The following MSI2 variants were observed in gnomAD, a reference collection of about 807,000 sequenced individuals.
MSI2 encodes RNA-binding protein Musashi homolog 2.
A neutral mutation model predicts 45.6 loss-of-function variants in MSI2; 17 were observed. That is an observed-to-expected ratio of 0.37 (90% CI 0.26 to 0.56). The LOEUF is 0.56. Ranked by LOEUF, MSI2 falls within the 20% of genes least tolerant of loss-of-function variation. MSI2 has a pLI of 0.77. For synonymous variants in MSI2, 156 were observed against 158.2 expected (o/e 0.99, Z 0.11); for missense variants, 293 against 444.2 (o/e 0.66, Z 3.06).
chr17:57,416,471 C>T (rs370561407), intron 6 of MSI2, among the ~76,000 whole-genome samples: 4 of 152,128 alleles, frequency 2.6e-5, no homozygotes, highest in African/African-American at 4.8e-5. Flanking sequence ...AGGAAGCAGC[C>T]GCTGTAATTC....
intron 5 of MSI2, among the ~76,000 whole-genome samples, chr17:57,300,620 A>T (rs1911343666): frequency 6.6e-6 from 1 of 152,194 alleles, no homozygotes; most frequent in South Asian, 2.1e-4. Flanking sequence ...GCCCGTTTTC[A>T]TGCTGCTGAT....
At chr17:57,362,450 C>G (rs553586223) in intron 5 of MSI2, among the ~76,000 whole-genome samples, 123 of 152,214 alleles carry the variant, frequency 8.1e-4, no homozygotes, top group South Asian at 5.8e-3. Flanking sequence ...CTCTGGTTAC[C>G]CTCCCATTGT....
chr17:57,578,898 C>T (rs560234130), intron 7 of MSI2, among the ~76,000 whole-genome samples: 1 of 152,216 alleles, frequency 6.6e-6, no homozygotes, highest in South Asian at 2.1e-4. Flanking sequence ...AGCCCAGGTA[C>T]ATTTTTCCCA....
Position 57,271,415 on chromosome 17 carries a change from C to G in MSI2, c.312+9223C>G, listed in dbSNP as rs567163463. Among the ~76,000 whole-genome samples, 139 of 152,216 alleles carry G rather than the reference C, an allele frequency of 9.1e-4. 1 individual carries two copies. The highest frequency in any genetic ancestry group is 6.8e-3 in the Middle Eastern group (2 of 294). On this transcript the variant is annotated intron_variant, in intron 5 of 13. Transcript: ENST00000284073. ...GGGTGTCGGGCAAGCACAGAGTCTT[C>G]TTTTTAAGAAATCCATTCAAGAGCT... is the stretch of plus-strand genomic sequence containing the variant.
chr17:57,572,100 A>T (rs1344816020), intron 7 of MSI2, among the ~76,000 whole-genome samples: 1 of 152,226 alleles, frequency 6.6e-6, no homozygotes, highest in East Asian at 1.9e-4. Flanking sequence ...AAGTCAGGAC[A>T]GGTGACCCTG....
chr17:57,406,604 A>G lies in MSI2; in HGVS notation c.405+5133A>G, dbSNP rs143835274. The stretch of plus-strand genomic sequence containing the variant: ...CCCGCATTTGGAGGCTTCCAATTAT[A>G]CTTCACATGGTGAACTGTGTAATTA... On this transcript the variant is annotated intron_variant, in intron 6 of 13. Transcript: ENST00000284073. Among the ~76,000 whole-genome samples, 73 of 152,292 alleles carry G rather than the reference A, an allele frequency of 4.8e-4. 1 individual carries two copies. The East Asian group carries it at 8.3e-3, about 17-fold the overall frequency.
At chr17:57,400,868 C>T (rs1050908626) in intron 5 of MSI2, among the ~76,000 whole-genome samples, 1 of 152,024 alleles carries the variant, frequency 6.6e-6, no homozygotes, top group Non-Finnish European at 1.5e-5. Flanking sequence ...ACAAAGCTTG[C>T]AGGGTGGTCT....
chr17:57,506,557 A>G (rs762381170), intron 6 of MSI2, among the ~76,000 whole-genome samples: 1 of 151,964 alleles, frequency 6.6e-6, no homozygotes, highest in Non-Finnish European at 1.5e-5. Flanking sequence ...CAGTCATCTC[A>G]CCGTCCCCGA....
intron 6 of MSI2, among the ~76,000 whole-genome samples, chr17:57,511,848 C>T (rs915993396): frequency 7.9e-5 from 12 of 152,266 alleles, no homozygotes; most frequent in Admixed American, 4.6e-4. Context: ...CCAGCCATTC[C>T]GCAGCTCACA....
At chr17:57,649,182 CAT>C (rs1270071287) in intron 10 of MSI2, among the ~76,000 whole-genome samples, 1 of 152,152 alleles carries the variant, frequency 6.6e-6, no homozygotes, top group African/African-American at 2.4e-5. Context: ...ATACCCAACA[CAT>C]GTACACAATA....
intron 7 of MSI2, among the ~76,000 whole-genome samples, chr17:57,571,558 C>T (rs976836203): frequency 1.3e-4 from 20 of 152,220 alleles, no homozygotes; most frequent in African/African-American, 4.6e-4. Flanking sequence ...GAATATTCTC[C>T]TCTTGGATTC....
chr17:57,432,740 TAGG>T (rs1296114146), intron 6 of MSI2: 5 of 152,706 alleles, frequency 3.3e-5, no homozygotes, highest in Admixed American at 2.0e-4. Context: ...AGTCCCTGTC[TAGG>T]AGAAGAATGG....
intron 6 of MSI2, among the ~76,000 whole-genome samples, chr17:57,429,004 C>G (rs2084545329): frequency 6.6e-6 from 1 of 152,162 alleles, no homozygotes; most frequent in South Asian, 2.1e-4. Flanking sequence ...AGGAGAAGAT[C>G]CCCCACGCTT....
chr17:57,491,866 T>C (rs1598328925), intron 6 of MSI2, among the ~76,000 whole-genome samples: 1 of 152,338 alleles, frequency 6.6e-6, no homozygotes, highest in East Asian at 1.9e-4. Context: ...TTTTCCTCCC[T>C]GGATGATGAA....
chr17:57,426,060 A>G lies in MSI2; in HGVS notation c.405+24589A>G, dbSNP rs1009185619. 3.3e-5 allele frequency among the ~76,000 whole-genome samples: 5 copies of G among 152,110 alleles called. No homozygotes were observed. The East Asian group carries it at 9.6e-4, about 29-fold the overall frequency. On this transcript the variant is annotated intron_variant, in intron 6 of 13. Transcript: ENST00000284073. The stretch of plus-strand genomic sequence containing the variant: ...CTCTCTGTTCTCTGATAATCCATGA[A>G]GTTGTAAATGGTTTTGACTGAGTGA...
intron 6 of MSI2, among the ~76,000 whole-genome samples, chr17:57,499,063 A>G (rs931513731): frequency 2.0e-5 from 3 of 151,660 alleles, no homozygotes; most frequent in Admixed American, 6.6e-5. Context: ...TTTGGTGACA[A>G]TTGGGCTTTT....
intron 5 of MSI2, among the ~76,000 whole-genome samples, chr17:57,344,074 A>T (rs60384564): frequency 6.6e-6 from 1 of 152,170 alleles, no homozygotes; most frequent in Non-Finnish European, 1.5e-5. Flanking sequence ...AGATGCTTTA[A>T]GATGTTCCTC....
chr17:57,268,924 G>C (rs569988399), intron 5 of MSI2, among the ~76,000 whole-genome samples: 10 of 152,158 alleles, frequency 6.6e-5, no homozygotes, highest in Non-Finnish European at 1.5e-4. Context: ...CATTTAGGTA[G>C]AGCGAATGAA....
At chr17:57,667,571 C>T (rs1418339797) in intron 11 of MSI2, among the ~76,000 whole-genome samples, 1 of 152,196 alleles carries the variant, frequency 6.6e-6, no homozygotes. Context: ...CATGGCCTTT[C>T]CCTTCCCGGG....
Sources: allele counts gnomAD v4.1 joint callset (sites outside exome capture counted in the v4.1 genomes callset), GRCh38; gene constraint gnomAD v4.1.1; transcripts MANE v1.5; gene names NCBI Gene and HGNC (gene_info 2026-07-23, HGNC 2026-07-21).